The following IRS1 variants were observed in gnomAD, a reference collection of about 807,000 sequenced individuals.
IRS1 encodes insulin receptor substrate 1.
In IRS1, 34 loss-of-function variants were observed where a neutral mutation model predicts 65.6. That is an observed-to-expected ratio of 0.52 (90% CI 0.39 to 0.69). The LOEUF is 0.69. Among genes scored for constraint, IRS1 ranks in the 30% least tolerant of loss-of-function variants. The pLI is 0.00. For missense variants in IRS1, 1,641 were observed against 1,720.2 expected, an observed-to-expected ratio of 0.95 and a Z score of 0.81; for synonymous variants, 699 against 683.5, an observed-to-expected ratio of 1.02 and a Z score of -0.35.
intron 1 of IRS1, among the ~76,000 whole-genome samples, chr2:226,747,199 C>T (rs35802832): frequency 0.056 from 8,493 of 152,172 alleles, 367 homozygotes; most frequent in East Asian, 0.18. Flanking sequence ...TCTTAATAAA[C>T]AGGTAGTGAC....
chr2:226,786,252 T>C (rs1389635826), intron 1 of IRS1, among the ~76,000 whole-genome samples: 1 of 152,030 alleles, frequency 6.6e-6, no homozygotes, highest in Non-Finnish European at 1.5e-5. Context: ...CCTTTGGGTA[T>C]ATACCCAGTA....
In IRS1 at chr2:226,731,988, A is replaced by C. The variant is rs1343810725; in HGVS notation, c.*4284T>G. The C allele has an allele frequency of 6.6e-6, 1 of 152,226 alleles. No homozygotes were observed. Among genetic ancestry groups the C allele is most frequent in the Non-Finnish European group, 1.5e-5 (1 of 68,042 alleles). The allele number at this position is 152,226 out of a possible 1,614,324, so 9.4% of individuals were successfully genotyped here. ...GAATGGCAGAAGTCTAAAACACCAG[A>C]TCTTTTGGTGTATACGTCACAAATG... is the stretch of plus-strand genomic sequence containing the variant. On this transcript the variant is annotated 3_prime_UTR_variant, in exon 2 of 2. Transcript: ENST00000305123.
chr2:226,796,621 G>T lies in IRS1; in HGVS notation c.2118C>A (p.His706Gln), dbSNP rs768720270. 1 of 1,613,840 alleles carries T rather than the reference G, an allele frequency of 6.2e-7. No individual in the cohort carries two copies. Among genetic ancestry groups the T allele is most frequent in the South Asian group, 1.1e-5 (1 of 91,092 alleles). ...GKLWTNGVGG[H>Q]HSHVLPHPKP... ...TGGGGTGAGGCAAGACATGAGAGTG[G>T]TGGCCCCCTACCCCGTTTGTCCACA... The change falls in exon 1 of 2, where the codon CAC becomes CAA. Residue 706 changes from histidine to glutamine, a missense_variant. His to Gln is a conservative substitution (Grantham distance 24, BLOSUM62 0). Around this residue, in one of 3 missense-constraint regions of IRS1, gnomAD observed 1,324 missense variants for 1,361.0 expected, o/e 0.97. Transcript: ENST00000305123.
intron 1 of IRS1, among the ~76,000 whole-genome samples, chr2:226,751,450 A>AT (rs1205012822): frequency 1.3e-5 from 2 of 151,880 alleles, no homozygotes; most frequent in Non-Finnish European, 2.9e-5. Flanking sequence ...CGCCCAGCTA[A>AT]TTTTTTGTAT....
chr2:226,766,338 A>G lies in IRS1; in HGVS notation c.*21+28651T>C, dbSNP rs1483082237. On this transcript the variant is annotated intron_variant, in intron 1 of 1. Coordinates refer to ENST00000305123, the MANE Select transcript of IRS1 (RefSeq NM_005544.3). ...GCCACCAACCTCAGCTAATTTTTGT[A>G]TCTTTAGTAGAGACGGGGTTTTGCC... Among the ~76,000 whole-genome samples the G allele has an allele frequency of 3.4e-5, 5 of 149,118 alleles. No homozygotes were observed. In the East Asian group the frequency reaches 9.9e-4, roughly 29 times the overall value.
intron 1 of IRS1, among the ~76,000 whole-genome samples, chr2:226,777,152 G>T (rs1464650787): frequency 6.6e-6 from 1 of 152,074 alleles, no homozygotes; most frequent in Non-Finnish European, 1.5e-5. Context: ...ATAAAGTATG[G>T]ACTTTAGTTA....
intron 1 of IRS1, among the ~76,000 whole-genome samples, chr2:226,746,574 C>G (rs912001884): frequency 6.6e-6 from 1 of 152,044 alleles, no homozygotes; most frequent in Non-Finnish European, 1.5e-5. Context: ...AACTGACTGC[C>G]TTGTGTAAAG....
In IRS1 at chr2:226,750,647, A is replaced by G. The variant is rs370156556; in HGVS notation, c.*22-14397T>C. Among the ~76,000 whole-genome samples the G allele has an allele frequency of 6.6e-5, 10 of 152,228 alleles. No individual in the cohort carries two copies. In the East Asian group the frequency reaches 7.7e-4, roughly 12 times the overall value. Reference sequence around the variant, plus strand: ...ATTAATAAGAAGTTGAGGTACATAAATACTTGCTAAAATATTTCCACTATA... The same window carrying G: ...ATTAATAAGAAGTTGAGGTACATAAGTACTTGCTAAAATATTTCCACTATA... On this transcript the variant is annotated intron_variant, in intron 1 of 1. Transcript: ENST00000305123.
intron 1 of IRS1, among the ~76,000 whole-genome samples, chr2:226,766,695 T>A (rs1248256525): frequency 6.6e-6 from 1 of 152,148 alleles, no homozygotes; most frequent in Non-Finnish European, 1.5e-5. Flanking sequence ...GTATTAAGTA[T>A]AAAGAGATAA....
Position 226,794,897 on chromosome 2 carries a change from G to A in IRS1, c.*21+92C>T. ...TGCATTCTCCCTGAGGAAGCAGTGG[G>A]AAAGAACAGGAAGGGGCAGAGGCGA... On this transcript the variant is annotated intron_variant, in intron 1 of 1. Transcript: ENST00000305123. This position sits in a 1 kb window ranked among gnomAD's most constrained non-coding sequence, Gnocchi z 4.1. 7.1e-6 allele frequency: 8 copies of A among 1,125,242 alleles called. No individual in the cohort carries two copies. The South Asian group carries it at 7.4e-5, about 10-fold the overall frequency. The allele number at this position is 1,125,242 out of a possible 1,614,324, so 69.7% of individuals were successfully genotyped here. A position where few individuals can be genotyped will look rare whatever the true frequency, so the allele number is the denominator to read the frequency against.
rs200297617 is a variant in IRS1, at chr2:226,796,211, C to A, written c.2528G>T (p.Arg843Leu). 1 of 1,613,184 alleles carries A rather than the reference C, an allele frequency of 6.2e-7. No homozygotes were observed. The highest frequency in any genetic ancestry group is 8.5e-7 in the Non-Finnish European group (1 of 1,179,754). Residue 843 changes from arginine (R) to leucine (L), a missense_variant, in exon 1 of 2, where the codon CGA becomes CTA. This residue lies in a region of IRS1 where 1,324 missense variants were observed against 1,361.0 expected (regional missense o/e 0.97). Coordinates refer to ENST00000305123, the MANE Select transcript of IRS1 (RefSeq NM_005544.3). ...GGTCTGAGCAGCTGTGTCCACCTTT[C>A]GAGGCAGATGGGGCTGCAGAACCTG... The part of the protein sequence containing the change: ...HHQVLQPHLP[R>L]KVDTAAQTNS...
chr2:226,764,493 T>C (rs906640708), intron 1 of IRS1, among the ~76,000 whole-genome samples: 3 of 152,122 alleles, frequency 2.0e-5, no homozygotes, highest in African/African-American at 7.2e-5. Flanking sequence ...CAGGGAGCCA[T>C]GATCACTTTA....
rs1574635240 is a variant in IRS1 at position 226,732,809 on chromosome 2, C to G, written c.*3463G>C. The stretch of plus-strand genomic sequence containing the variant: ...CATTAACTCCCCTGTCAAGTCATTG[C>G]AAAGAAGAAATTTCATATTGGCTTC... On this transcript the variant is annotated 3_prime_UTR_variant, in exon 2 of 2. Coordinates refer to ENST00000305123, the MANE Select transcript of IRS1 (RefSeq NM_005544.3). 6.6e-6 allele frequency: 1 copy of G among 151,988 alleles called. No homozygotes were observed. The highest frequency in any genetic ancestry group is 1.5e-5 in the Non-Finnish European group (1 of 68,004). The allele number at this position is 151,988 out of a possible 1,614,324, so 9.4% of individuals were successfully genotyped here.
At position 226,796,044 on chromosome 2, in the gene IRS1, T is replaced by C. The variant is rs779852070; in HGVS notation, c.2695A>G (p.Ile899Val). 68 of 1,613,952 alleles carry C rather than the reference T, an allele frequency of 4.2e-5. No individual in the cohort carries two copies. In the East Asian group the frequency reaches 5.1e-4, roughly 12 times the overall value. ...CCAGACTGATCACTCCCAAATTCAATATTGACATATTCCCCCGGGCTCTTG... is the reference window on the plus strand; with the variant it reads ...CCAGACTGATCACTCCCAAATTCAACATTGACATATTCCCCCGGGCTCTTG... ...EPKSPGEYVNIEFGSDQSGYL... is the reference protein window; with the variant it reads ...EPKSPGEYVNVEFGSDQSGYL... Residue 899 changes from isoleucine (I) to valine (V), a missense_variant, in exon 1 of 2, where the codon ATT becomes GTT. Coordinates refer to ENST00000305123, the MANE Select transcript of IRS1 (RefSeq NM_005544.3).
chr2:226,795,739 G>T lies in IRS1; in HGVS notation c.3000C>A (p.Ser1000Arg), dbSNP rs372034600. Residue 1000 changes from serine (S) to arginine (R), a missense_variant, in exon 1 of 2, where the codon AGC becomes AGA. This residue lies in a region of IRS1 where 1,324 missense variants were observed against 1,361.0 expected (regional missense o/e 0.97). Transcript: ENST00000305123. Reference sequence around the variant, plus strand: ...GGGCAGCTGGCGAGGTGTCCACGTAGCTCTGACGGGGACAACTCATCTGCA... The same window carrying T: ...GGGCAGCTGGCGAGGTGTCCACGTATCTCTGACGGGGACAACTCATCTGCA... ...MTMQMSCPRQ[S>R]YVDTSPAAPV... The T allele has an allele frequency of 1.9e-6, 3 of 1,613,400 alleles. No homozygotes were observed. The highest frequency in any genetic ancestry group is 2.2e-5 in the South Asian group (2 of 91,088).
Position 226,797,860 on chromosome 2 carries a change from C to A in IRS1, c.879G>T (p.Pro293=), listed in dbSNP as rs1939777656. The A allele has an allele frequency of 6.2e-7, 1 of 1,601,366 alleles. No individual in the cohort carries two copies. Among genetic ancestry groups the A allele is most frequent in the Admixed American group, 1.7e-5 (1 of 59,704 alleles). ...GGCGGGTCAGCCCCACCTGGCTGGG[C>A]GGGGGATTGTTGAGATGGTGCCGGC... The part of the protein sequence containing the change: ...PLRRHHLNNP[P]PSQVGLTRRS... The change falls in exon 1 of 2, where the codon CCG becomes CCT. Residue 293 remains proline (P), a synonymous_variant. Coordinates refer to ENST00000305123, the MANE Select transcript of IRS1 (RefSeq NM_005544.3). The surrounding 1 kb of genome is among the most constrained non-coding windows in gnomAD (Gnocchi z 8.1).
chr2:226,798,224 C>T lies in IRS1; in HGVS notation c.515G>A (p.Gly172Asp). 2.5e-6 allele frequency: 4 copies of T among 1,613,764 alleles called. No homozygotes were observed. Among genetic ancestry groups the T allele is most frequent in the South Asian group, 1.1e-5 (1 of 91,082 alleles). ...EVWQVILKPK[G>D]LGQTKNLIGI... ...AATCAGGTTCTTTGTCTGACCCAGG[C>T]CCTTGGGCTTCAGGATCACTTGCCA... Residue 172 changes from glycine (G) to aspartate (D), a missense_variant, in exon 1 of 2, where the codon GGC becomes GAC. Physicochemically the swap from Gly to Asp is moderately conservative, Grantham distance 94. Around this residue, in one of 3 missense-constraint regions of IRS1, gnomAD observed 77 missense variants for 129.6 expected, o/e 0.59. Coordinates refer to ENST00000305123, the MANE Select transcript of IRS1 (RefSeq NM_005544.3). This position sits in a 1 kb window ranked among gnomAD's most constrained non-coding sequence, Gnocchi z 9.4.
Position 226,797,073 on chromosome 2 carries a change from G to C in IRS1, c.1666C>G (p.Pro556Ala). 1 of 1,612,822 alleles carries C rather than the reference G, an allele frequency of 6.2e-7. No individual in the cohort carries two copies. The highest frequency in any genetic ancestry group is 8.5e-7 in the Non-Finnish European group (1 of 1,179,498). ...CTGCCACCTCCTGGTGGGTAGGCAG[G>C]CATCATCTCTGTGTACTCCTCAATG... is the stretch of plus-strand genomic sequence containing the variant. ...ASIEEYTEMM[P>A]AYPPGGGSGG... The change falls in exon 1 of 2, where the codon CCT (proline) becomes GCT (alanine). Residue 556 changes from proline (P) to alanine (A), a missense_variant. Around this residue, in one of 3 missense-constraint regions of IRS1, gnomAD observed 1,324 missense variants for 1,361.0 expected, o/e 0.97. Coordinates refer to ENST00000305123, the MANE Select transcript of IRS1 (RefSeq NM_005544.3). This position sits in a 1 kb window ranked among gnomAD's most constrained non-coding sequence, Gnocchi z 8.1.
chr2:226,772,206 G>T (rs1336202962), intron 1 of IRS1, among the ~76,000 whole-genome samples: 1 of 152,124 alleles, frequency 6.6e-6, no homozygotes, highest in African/African-American at 2.4e-5. Context: ...AAGGGGCGTT[G>T]GTGGGATATA....
Sources: allele counts gnomAD v4.1 joint callset (sites outside exome capture counted in the v4.1 genomes callset), GRCh38; gene constraint gnomAD v4.1.1; regional missense constraint gnomAD v4.1.1; non-coding constraint Gnocchi (gnomAD v3.1); transcripts MANE v1.5; gene names NCBI Gene and HGNC (gene_info 2026-07-23, HGNC 2026-07-21).